The following CLYBL variants were observed in gnomAD, a reference collection of about 807,000 sequenced individuals.
The protein encoded by CLYBL is citramalyl-CoA lyase, mitochondrial.
In CLYBL, 31 loss-of-function variants were observed where a neutral mutation model predicts 38.9. The observed-to-expected ratio is 0.80, with a 90% CI of 0.60 to 1.08. The LOEUF (loss-of-function observed/expected upper bound fraction) is 1.08, where lower values mean the gene tolerates loss of function less well. Ranked by LOEUF, CLYBL falls within the 50% of genes least tolerant of loss-of-function variation. The pLI is 0.00. For synonymous variants in CLYBL, 171 were observed against 158.6 expected (o/e 1.08, Z -0.59); for missense variants, 434 against 411.6 (o/e 1.05, Z -0.47).
rs187845965 is a variant in CLYBL, at chr13:99,728,421, G to A, written c.63-44403G>A. Reference sequence around the variant, plus strand: ...AGCCTCCCGAGTAGCAGAGACTACGGGTGTGTGCCACCACATCCGGCTAAT... The same window carrying A: ...AGCCTCCCGAGTAGCAGAGACTACGAGTGTGTGCCACCACATCCGGCTAAT... On this transcript the variant is annotated intron_variant, in intron 1 of 8. Transcript: ENST00000339105. Among the ~76,000 whole-genome samples, 47 of 151,768 alleles carry A rather than the reference G, an allele frequency of 3.1e-4. 1 individual carries two copies. The highest frequency in any genetic ancestry group is 1.5e-3 in the South Asian group (7 of 4,788).
At chr13:99,669,826 G>A (rs1013289440) in intron 1 of CLYBL, among the ~76,000 whole-genome samples, 2 of 152,110 alleles carry the variant, frequency 1.3e-5, no homozygotes, top group South Asian at 2.1e-4. Flanking sequence ...TTCCTTATAG[G>A]CATATTTTTT....
intron 1 of CLYBL, among the ~76,000 whole-genome samples, chr13:99,737,244 G>C (rs2048682880): frequency 6.6e-6 from 1 of 152,194 alleles, no homozygotes; most frequent in Non-Finnish European, 1.5e-5. Flanking sequence ...CAAAATGCCT[G>C]CCATGGTGTT....
intron 1 of CLYBL, among the ~76,000 whole-genome samples, chr13:99,758,222 G>A (rs1392368905): frequency 3.9e-5 from 6 of 152,146 alleles, no homozygotes; most frequent in Admixed American, 6.5e-5. Context: ...GTCATGCTAC[G>A]GGCCAGCTAT....
chr13:99,821,358 A>T (rs2050584876), intron 2 of CLYBL, among the ~76,000 whole-genome samples: 1 of 152,240 alleles, frequency 6.6e-6, no homozygotes, highest in Non-Finnish European at 1.5e-5. Flanking sequence ...CGTGCCTGGC[A>T]TTTAGTTGGT....
chr13:99,835,887 G>T (rs1441338205), intron 2 of CLYBL, among the ~76,000 whole-genome samples: 1 of 152,210 alleles, frequency 6.6e-6, no homozygotes, highest in African/African-American at 2.4e-5. Context: ...TCCAGGGTAG[G>T]TGGTAGATTG....
intron 1 of CLYBL, among the ~76,000 whole-genome samples, chr13:99,703,379 G>GT (rs148176963): frequency 9.3e-5 from 14 of 151,028 alleles, no homozygotes; most frequent in Admixed American, 5.3e-4. Context: ...TGTTTGCTTG[G>GT]TTTTTTTTTG....
intron 1 of CLYBL, among the ~76,000 whole-genome samples, chr13:99,728,364 C>T (rs2048520002): frequency 6.6e-6 from 1 of 150,674 alleles, no homozygotes; most frequent in Non-Finnish European, 1.5e-5. Flanking sequence ...CTGCAACCTC[C>T]GTCTCCTGGG....
At chr13:99,686,144 T>C (rs2047814519) in intron 1 of CLYBL, among the ~76,000 whole-genome samples, 1 of 152,110 alleles carries the variant, frequency 6.6e-6, no homozygotes, top group African/African-American at 2.4e-5. Flanking sequence ...CGGGAATTTG[T>C]GTGGAGCTGT....
chr13:99,874,443 CT>C (rs2051986705), intron 7 of CLYBL, among the ~76,000 whole-genome samples: 1 of 152,006 alleles, frequency 6.6e-6, no homozygotes, highest in East Asian at 1.9e-4. Flanking sequence ...ATTTTTATGT[CT>C]TTTTTTATAA....
downstream of CLYBL, among the ~76,000 whole-genome samples, chr13:99,901,446 G>C (rs1031403237): frequency 6.6e-6 from 1 of 151,960 alleles, no homozygotes; most frequent in Non-Finnish European, 1.5e-5. Context: ...ATCCTTCCTC[G>C]ACTGTGGGCT....
chr13:99,898,712 A>G (rs1207921736), downstream of CLYBL, among the ~76,000 whole-genome samples: 1 of 152,136 alleles, frequency 6.6e-6, no homozygotes, highest in African/African-American at 2.4e-5. Flanking sequence ...ATGACACCCA[A>G]CAAACGCCAA....
At chr13:99,771,797 G>GTAC (rs2049401551) in intron 1 of CLYBL, among the ~76,000 whole-genome samples, 1 of 152,140 alleles carries the variant, frequency 6.6e-6, no homozygotes, top group Non-Finnish European at 1.5e-5. Context: ...GCAGCTGCTG[G>GTAC]TACTCCTGCT....
chr13:99,673,240 C>T (rs1452749770), intron 1 of CLYBL, among the ~76,000 whole-genome samples: 1 of 152,040 alleles, frequency 6.6e-6, no homozygotes, highest in Admixed American at 6.6e-5. Flanking sequence ...TGGTGAAACC[C>T]TGTTTCTATT....
rs1450436490 is a variant in CLYBL, at chr13:99,754,836, C to T, written c.63-17988C>T. On this transcript the variant is annotated intron_variant, in intron 1 of 8. Coordinates refer to ENST00000339105, the MANE Select transcript of CLYBL (RefSeq NM_206808.5). ...CTCGAACTCCTGACCTCGTGATCCA[C>T]TCGCCTCAGCCTTCCAAAGTGCTGG... Among the ~76,000 whole-genome samples the T allele has an allele frequency of 6.0e-5, 9 of 150,692 alleles. No individual in the cohort carries two copies. In the East Asian group the frequency reaches 1.8e-3, roughly 30 times the overall value.
chr13:99,786,050 T>G (rs1188371452), intron 2 of CLYBL, among the ~76,000 whole-genome samples: 3 of 152,116 alleles, frequency 2.0e-5, no homozygotes, highest in African/African-American at 7.2e-5. Flanking sequence ...ACAATTATAT[T>G]TTAACTTTAG....
At chr13:99,885,179 C>G (rs2052319784) in intron 7 of CLYBL, 1 of 474,920 alleles carries the variant, frequency 2.1e-6, no homozygotes, top group South Asian at 1.6e-5. Context: ...CAAATACTCT[C>G]ACTAGATGGG....
At chr13:99,671,795 AT>A (rs1323106383) in intron 1 of CLYBL, among the ~76,000 whole-genome samples, 1 of 147,004 alleles carries the variant, frequency 6.8e-6, no homozygotes, top group Non-Finnish European at 1.5e-5. Context: ...AAAAAAAAAA[AT>A]AATAAAAGCT....
chr13:99,681,167 G>A (rs1029182813), intron 1 of CLYBL, among the ~76,000 whole-genome samples: 2 of 152,054 alleles, frequency 1.3e-5, no homozygotes. Flanking sequence ...ATCTTAAGCC[G>A]GAAAAATAAA....
downstream of CLYBL, among the ~76,000 whole-genome samples, chr13:99,899,286 T>A (rs113916118): frequency 4.4e-3 from 676 of 152,306 alleles, 9 homozygotes; most frequent in African/African-American, 0.015. Context: ...GGGACACACA[T>A]GCCAGAGTTT....
Sources: allele counts gnomAD v4.1 joint callset (sites outside exome capture counted in the v4.1 genomes callset), GRCh38; gene constraint gnomAD v4.1.1; transcripts MANE v1.5; gene names NCBI Gene and HGNC (gene_info 2026-07-23, HGNC 2026-07-21).